The following LINGO1 variants were observed in gnomAD, a reference collection of about 807,000 sequenced individuals.
LINGO1 encodes leucine-rich repeat and immunoglobulin-like domain-containing nogo receptor-interacting protein 1.
A neutral mutation model predicts 37.3 loss-of-function variants in LINGO1; 11 were observed. That is an observed-to-expected ratio of 0.29 (90% CI 0.19 to 0.49). LINGO1 has a LOEUF of 0.49. LINGO1 is among the 20% of genes least tolerant of loss of function. LINGO1 has a pLI of 0.99. For missense variants in LINGO1, 585 were observed against 878.2 expected, an observed-to-expected ratio of 0.67 and a Z score of 4.22; for synonymous variants, 387 against 403.0, an observed-to-expected ratio of 0.96 and a Z score of 0.48.
intron 2 of LINGO1, among the ~76,000 whole-genome samples, chr15:77,689,099 T>G (rs1294303725): frequency 6.6e-6 from 1 of 150,792 alleles, no homozygotes; most frequent in Non-Finnish European, 1.5e-5. Context: ...GGGCAGAGAG[T>G]GAGGAAGGGC....
intron 1 of LINGO1, among the ~76,000 whole-genome samples, chr15:77,695,141 T>C (rs1442029000): frequency 1.3e-5 from 2 of 152,030 alleles, no homozygotes; most frequent in East Asian, 1.9e-4. Flanking sequence ...AAATATTAAA[T>C]GGAAAGAAAC....
chr15:77,706,551 C>T (rs2075855167), intron 2 of LINGO1, among the ~76,000 whole-genome samples: 1 of 152,186 alleles, frequency 6.6e-6, no homozygotes, highest in South Asian at 2.1e-4. Context: ...TCCTGTTACC[C>T]CACAAGTTTC....
chr15:77,660,870 G>A (rs542599645), intron 3 of LINGO1, among the ~76,000 whole-genome samples: 19 of 152,204 alleles, frequency 1.2e-4, no homozygotes, highest in Non-Finnish European at 2.1e-4. Flanking sequence ...CAAGACAGGC[G>A]GGAGGGATGG....
intron 1 of LINGO1, among the ~76,000 whole-genome samples, chr15:77,622,389 G>GC (rs943500491): frequency 1.3e-5 from 2 of 152,146 alleles, no homozygotes; most frequent in African/African-American, 4.8e-5. Context: ...TACGTTCCCA[G>GC]CCCCCACCAC....
At chr15:77,634,263 G>C (rs1184750004), upstream of LINGO1, 1 of 455,952 alleles carries the variant, frequency 2.2e-6, no homozygotes, top group Non-Finnish European at 4.4e-6. Context: ...ACAGCCCAAA[G>C]GCTTGCACAG....
chr15:77,745,914 G>A (rs2076309738), intron 1 of LINGO1, among the ~76,000 whole-genome samples: 1 of 152,088 alleles, frequency 6.6e-6, no homozygotes, highest in Non-Finnish European at 1.5e-5. Context: ...AAGAGCACCT[G>A]AGTCTGAAAG....
At chr15:77,743,265 C>A (rs994491706) in intron 1 of LINGO1, among the ~76,000 whole-genome samples, 1 of 152,140 alleles carries the variant, frequency 6.6e-6, no homozygotes, top group Non-Finnish European at 1.5e-5. Flanking sequence ...TCACCGGGAA[C>A]CCACTCTGCT....
At chr15:77,641,757 G>A in intron 3 of LINGO1, 3 of 428,488 alleles carry the variant, frequency 7.0e-6, no homozygotes, top group South Asian at 5.0e-5. Flanking sequence ...CAGAGACACA[G>A]AGAGCCAGAA....
intron 3 of LINGO1, among the ~76,000 whole-genome samples, chr15:77,670,644 G>A (rs946408806): frequency 2.6e-5 from 4 of 152,224 alleles, no homozygotes; most frequent in Non-Finnish European, 2.9e-5. Flanking sequence ...CCCAGTCTCA[G>A]GTGAGGCCAC....
intron 1 of LINGO1, among the ~76,000 whole-genome samples, chr15:77,775,060 C>G (rs2076623759): frequency 6.6e-6 from 1 of 152,212 alleles, no homozygotes; most frequent in Non-Finnish European, 1.5e-5. Context: ...GTGGCAGAGC[C>G]ACAGGCCTGA....
At chr15:77,641,715 G>C in intron 3 of LINGO1, 1 of 385,842 alleles carries the variant, frequency 2.6e-6, no homozygotes, top group Admixed American at 2.9e-5. Context: ...ACCCACTGTG[G>C]AGTCAGGTGG....
chr15:77,629,934 G>A (rs548909515), intron 1 of LINGO1, among the ~76,000 whole-genome samples: 3 of 152,266 alleles, frequency 2.0e-5, no homozygotes, highest in Non-Finnish European at 2.9e-5. Flanking sequence ...TGGAGGAGGG[G>A]GTCAGGAGAA....
At chr15:77,656,011 G>A (rs2074857449) in intron 3 of LINGO1, among the ~76,000 whole-genome samples, 1 of 152,226 alleles carries the variant, frequency 6.6e-6, no homozygotes, top group Non-Finnish European at 1.5e-5. Context: ...GCCCCTGCTG[G>A]GACTCTGGGA....
intron 3 of LINGO1, among the ~76,000 whole-genome samples, chr15:77,650,951 G>A (rs1257112013): frequency 6.6e-6 from 1 of 152,084 alleles, no homozygotes; most frequent in African/African-American, 2.4e-5. Context: ...TGCTACTGCA[G>A]GGCAAGTAGA....
chr15:77,676,784 A>G (rs1455003608), intron 3 of LINGO1, among the ~76,000 whole-genome samples: 1 of 152,230 alleles, frequency 6.6e-6, no homozygotes, highest in African/African-American at 2.4e-5. Context: ...CAGTGAGCAT[A>G]GGACAGCAAC....
chr15:77,705,204 C>CACACACACACACA (rs1332650126), intron 2 of LINGO1, among the ~76,000 whole-genome samples: 13 of 150,312 alleles, frequency 8.6e-5, no homozygotes, highest in African/African-American at 2.5e-4. Context: ...CACACACACA[C>CACACACACACACA]ACCAGTCCAC....
chr15:77,794,277 C>CATAT (rs777833274), intron 2 of LINGO1, among the ~76,000 whole-genome samples: 7,910 of 105,654 alleles, frequency 0.075, 1,416 homozygotes, highest in Non-Finnish European at 0.1. Flanking sequence ...GAAACATATA[C>CATAT]ATATATATAT....
At chr15:77,675,311 A>C (rs118099845) in intron 3 of LINGO1, among the ~76,000 whole-genome samples, 2 of 152,352 alleles carry the variant, frequency 1.3e-5, no homozygotes, top group Non-Finnish European at 2.9e-5. Flanking sequence ...GCACAAGCAC[A>C]CACAGATGTG....
intron 2 of LINGO1, among the ~76,000 whole-genome samples, chr15:77,734,102 A>C (rs549079011): frequency 1.8e-4 from 27 of 152,142 alleles, no homozygotes; most frequent in Non-Finnish European, 3.4e-4. Flanking sequence ...GCGGCAAGTT[A>C]GGCCAGGGCA....
Sources: gnomAD v4.1 joint callset for allele counts (sites outside exome capture counted in the v4.1 genomes callset) on GRCh38, gnomAD v4.1.1 for gene constraint, MANE v1.5 for transcripts, NCBI Gene and HGNC (gene_info 2026-07-23, HGNC 2026-07-21) for gene names.